ZNF839: variants seen among roughly 807,000 people sequenced by gnomAD.
ZNF839 encodes the protein zinc finger protein 839, also known as renal carcinoma antigen NY-REN-50.
ZNF839 carries 38 observed loss-of-function variants against 56.4 expected under a neutral mutation model. The ratio of observed to expected loss-of-function variants is 0.67; its 90% confidence interval spans 0.52 to 0.88. ZNF839 has a LOEUF of 0.88. Among genes scored for constraint, ZNF839 ranks in the 40% least tolerant of loss-of-function variants. The pLI, the probability that ZNF839 is intolerant of heterozygous loss-of-function variation, is 0.00. For missense variants in ZNF839, 1,091 were observed against 1,177.6 expected, an observed-to-expected ratio of 0.93 and a Z score of 1.08; for synonymous variants, 486 against 493.5, an observed-to-expected ratio of 0.98 and a Z score of 0.20.
At position 102,332,006 on chromosome 14, in the gene ZNF839, T is replaced by C. The variant is rs902333215; in HGVS notation, c.1416+160T>C. Among the ~76,000 whole-genome samples, 7 of 152,248 alleles carry C rather than the reference T, an allele frequency of 4.6e-5. No homozygotes were observed. The highest frequency in any genetic ancestry group is 7.3e-5 in the Non-Finnish European group (5 of 68,044). The stretch of plus-strand genomic sequence containing the variant: ...GTAATATCTGAACTAATTCGTACTC[T>C]TACCTGTTTAAAGTGACTGTACAGC... On this transcript the variant is annotated intron_variant, in intron 3 of 7. Transcript: ENST00000442396. This position sits in a 1 kb window ranked among gnomAD's most constrained non-coding sequence, Gnocchi z 4.9.
intron 1 of ZNF839, among the ~76,000 whole-genome samples, chr14:102,322,391 G>C (rs553761274): frequency 2.3e-4 from 35 of 152,328 alleles, no homozygotes; most frequent in South Asian, 2.3e-3. Context: ...TGGCTCCTGT[G>C]TATGTATTCC....
chr14:102,325,806 G>A (rs2073377277), intron 1 of ZNF839, among the ~76,000 whole-genome samples, 179 bp from the exon 2 acceptor site: 1 of 151,992 alleles, frequency 6.6e-6, no homozygotes. Flanking sequence ...ATATCACTGT[G>A]GTCTCTGGTC....
At chr14:102,337,746 A>C (rs1885968932) in intron 5 of ZNF839, 1 of 152,176 alleles carries the variant, frequency 6.6e-6, no homozygotes, top group African/African-American at 2.4e-5. Context: ...CGCAGAACCC[A>C]CATGGCCCGT....
chr14:102,327,126 G>A (rs2073458136), intron 2 of ZNF839, among the ~76,000 whole-genome samples: 1 of 151,896 alleles, frequency 6.6e-6, no homozygotes, highest in Non-Finnish European at 1.5e-5. Context: ...ACAAGGGGCA[G>A]GGGGAGGTAC....
At chr14:102,325,904 G>A (rs2073382123) in intron 1 of ZNF839, 81 bp from the exon 2 acceptor site, 1 of 1,447,648 alleles carries the variant, frequency 6.9e-7, no homozygotes, top group Non-Finnish European at 9.3e-7. Context: ...TGTCAATAAT[G>A]GTTTTATGAC....
At chr14:102,328,354 C>CAAAAAA (rs1158691824) in intron 2 of ZNF839, among the ~76,000 whole-genome samples, 4 of 28,892 alleles carry the variant, frequency 1.4e-4, no homozygotes, top group Non-Finnish European at 2.5e-4. Flanking sequence ...AACTCCATCT[C>CAAAAAA]AAAAAAAAAA....
chr14:102,339,158 C>T lies in ZNF839; in HGVS notation c.1862C>T (p.Thr621Ile). 6.2e-7 allele frequency: 1 copy of T among 1,613,364 alleles called. No individual in the cohort carries two copies. Among genetic ancestry groups the T allele is most frequent in the African/African-American group, 1.3e-5 (1 of 75,068 alleles). Residue 621 changes from threonine (T) to isoleucine (I), a missense_variant, in exon 7 of 8, where the codon ACT (threonine) becomes ATT (isoleucine). Coordinates refer to ENST00000442396, the MANE Select transcript of ZNF839 (RefSeq NM_018335.6). ...AGAGAAGCCCTGTCCAACGATACCACTGAATCTCTTGCTGCCAACAGCAGA... is the reference window on the plus strand; with the variant it reads ...AGAGAAGCCCTGTCCAACGATACCATTGAATCTCTTGCTGCCAACAGCAGA... ...PRREALSNDT[T>I]ESLAANSRGR...
At position 102,326,052 on chromosome 14, in the gene ZNF839, T is replaced by G. The variant is rs2073389414; in HGVS notation, c.356T>G (p.Leu119Arg). The stretch of plus-strand genomic sequence containing the variant: ...AAAGGTCAGGAAAGGCCAATGCTCC[T>G]ACCGACCACAATCCAGCCCCAAACT... ...ETKGQERPML[L>R]PTTIQPQTAR... The change falls in exon 2 of 8, where the codon CTA (leucine) becomes CGA (arginine). Residue 119 changes from leucine (L) to arginine (R), a missense_variant. Physicochemically the swap from Leu to Arg is moderately radical, Grantham distance 102 (BLOSUM62 -2). This residue lies in a region of ZNF839 where 614 missense variants were observed against 629.2 expected (regional missense o/e 0.98). Transcript: ENST00000442396. The surrounding 1 kb of genome is among the most constrained non-coding windows in gnomAD (Gnocchi z 4.3). 3 of 1,613,570 alleles carry G rather than the reference T, an allele frequency of 1.9e-6. No homozygotes were observed. The African/African-American group carries it at 4.0e-5, about 22-fold the overall frequency.
In ZNF839 at chr14:102,326,799, C is replaced by T; in HGVS notation, c.1103C>T (p.Thr368Ile). ...ACGGAGGAAAGGACGCTCAGCCTGA[C>T]CTCCCTGGGGCTGTCCATGCCAGCG... ...GCTEERTLSL[T>I]SLGLSMPADP... The change falls in exon 2 of 8, where the codon ACC becomes ATC. Residue 368 changes from threonine to isoleucine, a missense_variant. Physicochemically the swap from Thr to Ile is moderately conservative, Grantham distance 89. Coordinates refer to ENST00000442396, the MANE Select transcript of ZNF839 (RefSeq NM_018335.6). The surrounding 1 kb of genome is among the most constrained non-coding windows in gnomAD (Gnocchi z 4.3). The T allele has an allele frequency of 6.2e-7, 1 of 1,612,020 alleles. No homozygotes were observed. The highest frequency in any genetic ancestry group is 8.5e-7 in the Non-Finnish European group (1 of 1,179,188).
At chr14:102,333,665 C>T (rs972010788) in intron 3 of ZNF839, among the ~76,000 whole-genome samples, 5 of 152,146 alleles carry the variant, frequency 3.3e-5, no homozygotes, top group Non-Finnish European at 5.9e-5. Context: ...GGGGATCTCA[C>T]CGTCCTCCTG....
At position 102,331,610 on chromosome 14, in the gene ZNF839, A is replaced by C. The variant is rs1438477119; in HGVS notation, c.1192-12A>C. On this transcript the variant is annotated splice_polypyrimidine_tract_variant and intron_variant, in intron 2 of 7. Transcript: ENST00000442396. Reference sequence around the variant, plus strand: ...TGTTTTATTTTACTTTTGGGTGTGCAACACTGTCTAGAATGGTCAGTCTGT... The same window carrying C: ...TGTTTTATTTTACTTTTGGGTGTGCCACACTGTCTAGAATGGTCAGTCTGT... 1 of 1,602,514 alleles carries C rather than the reference A, an allele frequency of 6.2e-7. No individual in the cohort carries two copies. Among genetic ancestry groups the C allele is most frequent in the South Asian group, 1.1e-5 (1 of 89,280 alleles).
intron 5 of ZNF839, 90 bp downstream of exon 5, chr14:102,335,928 C>G (rs1480633268): frequency 5.5e-6 from 8 of 1,465,676 alleles, no homozygotes; most frequent in Non-Finnish European, 6.5e-6. Context: ...CTTGTAGTCC[C>G]AGTGCTTTGG....
upstream of ZNF839, among the ~76,000 whole-genome samples, chr14:102,318,082 C>T (rs2072949567): frequency 1.3e-5 from 2 of 152,222 alleles, no homozygotes; most frequent in Admixed American, 6.5e-5. Context: ...TAAAAGTTCT[C>T]AATAAATGCC....
In ZNF839 at chr14:102,341,780, G is replaced by A; in HGVS notation, c.2385G>A (p.Val795=). The change falls in exon 8 of 8, where the codon GTG becomes GTA. Residue 795 remains valine (V), a synonymous_variant. Transcript: ENST00000442396. ...CCACCAGCGTCCTGCCTACAGAGGT[G>A]GCAGCCCCTCCGCTTGAGAAAATTT... ...PSPTSVLPTE[V]AAPPLEKILS... 1 of 1,614,050 alleles carries A rather than the reference G, an allele frequency of 6.2e-7. No homozygotes were observed. The highest frequency in any genetic ancestry group is 8.5e-7 in the Non-Finnish European group (1 of 1,179,898).
intron 5 of ZNF839, chr14:102,336,536 C>G (rs1303794965): frequency 2.9e-6 from 1 of 346,488 alleles, no homozygotes; most frequent in Non-Finnish European, 5.6e-6. Context: ...CTCAGGCAGT[C>G]TGCCTGCCTC....
At chr14:102,328,448 A>G (rs1356171647) in intron 2 of ZNF839, among the ~76,000 whole-genome samples, 1 of 143,950 alleles carries the variant, frequency 6.9e-6, no homozygotes, top group Non-Finnish European at 1.5e-5. Flanking sequence ...AAAAAAACAC[A>G]TAGCATGACA....
chr14:102,328,939 A>G (rs1484525327), intron 2 of ZNF839, among the ~76,000 whole-genome samples: 1 of 150,004 alleles, frequency 6.7e-6, no homozygotes, highest in Non-Finnish European at 1.5e-5. Flanking sequence ...ATGAACACAG[A>G]TGTTCAATTA....
intron 2 of ZNF839, among the ~76,000 whole-genome samples, chr14:102,328,332 C>T (rs1264718674): frequency 6.2e-5 from 6 of 96,224 alleles, no homozygotes; most frequent in Admixed American, 4.4e-4. Flanking sequence ...CCAGCCTGGG[C>T]AACAAGAGTG....
intron 1 of ZNF839, among the ~76,000 whole-genome samples, chr14:102,324,785 C>A (rs142950098): frequency 0.039 from 5,991 of 151,930 alleles, 215 homozygotes; most frequent in African/African-American, 0.083. Flanking sequence ...CCTGTCTCTA[C>A]TAAAAATACA....
Sources: allele counts gnomAD v4.1 joint callset (sites outside exome capture counted in the v4.1 genomes callset), GRCh38; gene constraint gnomAD v4.1.1; regional missense constraint gnomAD v4.1.1; non-coding constraint Gnocchi (gnomAD v3.1); transcripts MANE v1.5; gene names NCBI Gene and HGNC (gene_info 2026-07-23, HGNC 2026-07-21).